The following RIPK2 variants were observed in gnomAD, a reference collection of about 807,000 sequenced individuals.
RIPK2 encodes the protein receptor interacting serine/threonine kinase 2.
Under a neutral mutation model 60.9 loss-of-function variants are expected in RIPK2, and 38 were observed. That is an observed-to-expected ratio of 0.62 (90% confidence interval 0.48 to 0.82). The LOEUF is 0.82. Ranked by LOEUF, RIPK2 falls within the 40% of genes least tolerant of loss-of-function variation. The pLI is 0.00. For synonymous variants in RIPK2, 225 were observed against 223.4 expected (o/e 1.01, Z -0.06); for missense variants, 518 against 647.0 (o/e 0.80, Z 2.16).
chr8:89,764,208 G>A (rs947176611), intron 2 of RIPK2, among the ~76,000 whole-genome samples: 2 of 152,112 alleles, frequency 1.3e-5, no homozygotes, highest in African/African-American at 4.8e-5. Context: ...TTCTCTAGGG[G>A]ACAGGCCTCT....
At chr8:89,780,032 A>G (rs776730537) in intron 6 of RIPK2, 43 bp from the exon 7 acceptor site, 3 of 967,190 alleles carry the variant, frequency 3.1e-6, no homozygotes, top group Non-Finnish European at 3.2e-6. Flanking sequence ...TTTAATACTT[A>G]GAAGCAATCT....
At chr8:89,789,002 A>G (rs1037654241) in intron 9 of RIPK2, among the ~76,000 whole-genome samples, 1 of 152,244 alleles carries the variant, frequency 6.6e-6, no homozygotes, top group South Asian at 2.1e-4. Context: ...ATAGATTTAG[A>G]GAACATACTT....
rs778053309 is a variant in RIPK2 at position 89,758,265 on chromosome 8, C to T, written c.173+32C>T. The T allele has an allele frequency of 6.4e-6, 10 of 1,561,546 alleles. No homozygotes were observed. In the South Asian group the frequency reaches 1.1e-4, roughly 17 times the overall value. On this transcript the variant is annotated intron_variant, in intron 1 of 10. Coordinates refer to ENST00000220751, the MANE Select transcript of RIPK2 (RefSeq NM_003821.6). ...AGTCACTGGGGTTCCCTGGAAGAGC[C>T]CTCAACTCCTGCATCCCCTCAAGCC...
At chr8:89,765,270 A>T in intron 2 of RIPK2, 71 bp from the exon 3 acceptor site, 1 of 1,075,464 alleles carries the variant, frequency 9.3e-7, no homozygotes, top group Non-Finnish European at 1.4e-6. Flanking sequence ...TGGAATATTT[A>T]ACTTTCTAAG....
At position 89,771,806 on chromosome 8, in the gene RIPK2, C is replaced by T; in HGVS notation, c.691+16C>T. On this transcript the variant is annotated intron_variant, in intron 5 of 10. Coordinates refer to ENST00000220751, the MANE Select transcript of RIPK2 (RefSeq NM_003821.6). ...CCTTTTGAAGGTAAGTATGGTTTGACTTTTTTATGCTCAATAACATCATGT... is the reference window on the plus strand; with the variant it reads ...CCTTTTGAAGGTAAGTATGGTTTGATTTTTTTATGCTCAATAACATCATGT... The T allele has an allele frequency of 6.5e-7, 1 of 1,542,322 alleles. No individual in the cohort carries two copies. The highest frequency in any genetic ancestry group is 1.1e-5 in the South Asian group (1 of 88,830).
chr8:89,784,151 A>AT lies in RIPK2; in HGVS notation c.1029+12_1029+13insT. On this transcript the variant is annotated intron_variant, in intron 8 of 10. Transcript: ENST00000220751. ...ATGGTCCACAAGAGGTAAAAAAAAA[A>AT]AAAAAAAAAAAAAGGTTATATTAAA... 7.0e-7 allele frequency: 1 copy of AT among 1,430,830 alleles called. No individual in the cohort carries two copies. The highest frequency in any genetic ancestry group is 1.3e-5 in the South Asian group (1 of 77,944). The allele number at this position is 1,430,830 out of a possible 1,614,324, so 88.6% of individuals were successfully genotyped here.
intron 1 of RIPK2, chr8:89,759,483 G>T (rs932263769): frequency 2.3e-6 from 1 of 437,892 alleles, no homozygotes; most frequent in African/African-American, 2.0e-5. Context: ...CTCAGCTTCC[G>T]CCCTGCCAAA....
At position 89,772,751 on chromosome 8, in the gene RIPK2, T is replaced by C. The variant is rs2230801; in HGVS notation, c.776T>C (p.Ile259Thr). 126,222 of 1,611,396 alleles carry C rather than the reference T, an allele frequency of 0.078. 5,422 individuals carry two copies. The highest frequency in any genetic ancestry group is 0.12 in the Middle Eastern group (705 of 6,046). Residue 259 changes from isoleucine (I) to threonine (T), a missense_variant, in exon 6 of 11, where the codon ATA becomes ACA. This residue lies in a region of RIPK2 where 448 missense variants were observed against 534.7 expected (regional missense o/e 0.84). Transcript: ENST00000220751. ...AATGAAGAAAGTTTGCCATATGATA[T>C]ACCTCACCGAGCACGTATGATCTCT... ...VINEESLPYD[I>T]PHRARMISLI... is the part of the protein sequence containing the mutation.
At chr8:89,781,727 A>T (rs971865492) in intron 7 of RIPK2, among the ~76,000 whole-genome samples, 36 of 152,194 alleles carry the variant, frequency 2.4e-4, no homozygotes, top group African/African-American at 8.0e-4. Context: ...AACCATGGGT[A>T]GCACTGAACC....
In RIPK2 at chr8:89,761,712, T is replaced by TAA. The variant is rs56259992; in HGVS notation, c.174-1105_174-1104dup. On this transcript the variant is annotated intron_variant, in intron 1 of 10. Transcript: ENST00000220751. ...GGCGACATAGCAAGATCTGGTCTGT[T>TAA]AAAAAAAAAAAAAGTTTCCAGTGTG... Among the ~76,000 whole-genome samples the TAA allele has an allele frequency of 6.1e-3, 896 of 146,724 alleles. 12 individuals carry two copies. The highest frequency in any genetic ancestry group is 0.02 in the African/African-American group (785 of 39,842).
chr8:89,769,861 C>G lies in RIPK2; in HGVS notation c.573C>G (p.Ile191Met). The change falls in exon 4 of 11, where the codon ATC (isoleucine) becomes ATG (methionine). Residue 191 changes from isoleucine to methionine, a missense_variant. This residue lies in a region of RIPK2 where 448 missense variants were observed against 534.7 expected (regional missense o/e 0.84). Transcript: ENST00000220751. ...SKSAPEGGTIIYMPPENYEPG... is the reference protein window; with the variant it reads ...SKSAPEGGTIMYMPPENYEPG... ...CTGCACCAGAAGGAGGGACAATTAT[C>G]TATATGCCACCTGAAAACTATGAAC... The G allele has an allele frequency of 6.2e-7, 1 of 1,608,854 alleles. No individual in the cohort carries two copies. The highest frequency in any genetic ancestry group is 8.5e-7 in the Non-Finnish European group (1 of 1,177,044).
chr8:89,764,105 A>G (rs1809188038), intron 2 of RIPK2, among the ~76,000 whole-genome samples: 2 of 152,134 alleles, frequency 1.3e-5, no homozygotes, highest in South Asian at 4.1e-4. Context: ...ACAAGCCCCC[A>G]TATTATATTA....
intron 7 of RIPK2, among the ~76,000 whole-genome samples, chr8:89,783,515 C>T (rs774704192): frequency 2.0e-5 from 3 of 152,170 alleles, no homozygotes; most frequent in Non-Finnish European, 4.4e-5. Flanking sequence ...ATGTGGGTCT[C>T]TAAATCACAT....
intron 3 of RIPK2, among the ~76,000 whole-genome samples, chr8:89,766,944 G>A (rs1809239115): frequency 6.6e-6 from 1 of 151,518 alleles, no homozygotes; most frequent in Non-Finnish European, 1.5e-5. Flanking sequence ...TTTCCTCCCA[G>A]TTATAGTTTG....
intron 6 of RIPK2, among the ~76,000 whole-genome samples, chr8:89,778,725 AT>A (rs1809443875): frequency 6.6e-6 from 1 of 152,164 alleles, no homozygotes; most frequent in Non-Finnish European, 1.5e-5. Flanking sequence ...GTTGATGAAC[AT>A]TTTGATTGTT....
intron 1 of RIPK2, 123 bp from the exon 2 acceptor site, chr8:89,762,706 A>G: frequency 2.2e-6 from 1 of 463,318 alleles, no homozygotes; most frequent in Non-Finnish European, 3.8e-6. Context: ...GGTGCAGAGA[A>G]GTTGCATAAT....
At chr8:89,765,577 C>T (rs762424927) in intron 3 of RIPK2, 81 bp downstream of exon 3, 2 of 830,516 alleles carry the variant, frequency 2.4e-6, no homozygotes, top group Non-Finnish European at 3.7e-6. Context: ...TCGACCTAGC[C>T]AATTTCATGT....
At chr8:89,762,688 G>T (rs1368273190) in intron 1 of RIPK2, 141 bp from the exon 2 acceptor site, 2 of 433,142 alleles carry the variant, frequency 4.6e-6, no homozygotes, top group Non-Finnish European at 8.1e-6. Context: ...TAAATATGAT[G>T]AAACTAAGGT....
At chr8:89,759,351 T>C (rs1330838950) in intron 1 of RIPK2, 1 of 456,320 alleles carries the variant, frequency 2.2e-6, no homozygotes, top group Non-Finnish European at 4.4e-6. Flanking sequence ...ATTCAGTTCT[T>C]AGTGAGTTAA....
Sources: gnomAD v4.1 joint callset for allele counts (sites outside exome capture counted in the v4.1 genomes callset) on GRCh38, gnomAD v4.1.1 for gene constraint, gnomAD v4.1.1 regional missense constraint, MANE v1.5 for transcripts, NCBI Gene and HGNC (gene_info 2026-07-23, HGNC 2026-07-21) for gene names.